Variants in EPHA6 observed in about 807,000 individuals in gnomAD.
The protein encoded by EPHA6 is ephrin type-A receptor 6.
EPHA6 carries 50 observed loss-of-function variants against 112.0 expected under a neutral mutation model. The ratio of observed to expected loss-of-function variants is 0.45; its 90% CI spans 0.36 to 0.56. The LOEUF (loss-of-function observed/expected upper bound fraction) is 0.56, where lower values mean the gene tolerates loss of function less well. EPHA6 is among the 20% of genes least tolerant of loss of function. EPHA6 has a pLI of 0.00. For synonymous variants in EPHA6, 529 were observed against 490.7 expected, an observed-to-expected ratio of 1.08 and a Z score of -1.03; for missense variants, 1,280 against 1,417.4, an observed-to-expected ratio of 0.90 and a Z score of 1.56.
At position 97,213,595 on chromosome 3, in the gene EPHA6, T is replaced by C. The variant is rs191383020; in HGVS notation, c.1115-12669T>C. ...GTCCACTTCCAAGTTTCCAGTTCATTCAGGGCAGGAGAGGGTTGAGTGGGA... is the reference window on the plus strand; with the variant it reads ...GTCCACTTCCAAGTTTCCAGTTCATCCAGGGCAGGAGAGGGTTGAGTGGGA... On this transcript the variant is annotated intron_variant, in intron 3 of 17. Transcript: ENST00000389672. 1.3e-3 allele frequency among the ~76,000 whole-genome samples: 195 copies of C among 152,262 alleles called. 1 individual carries two copies. The highest frequency in any genetic ancestry group is 4.5e-3 in the African/African-American group (187 of 41,552).
At chr3:97,297,482 A>G (rs2080914729) in intron 5 of EPHA6, among the ~76,000 whole-genome samples, 1 of 152,162 alleles carries the variant, frequency 6.6e-6, no homozygotes, top group African/African-American at 2.4e-5. Flanking sequence ...AAATTTAATT[A>G]AAGAAATATG....
intron 2 of EPHA6, among the ~76,000 whole-genome samples, chr3:96,879,619 T>A (rs1021666815): frequency 6.6e-6 from 1 of 152,148 alleles, no homozygotes; most frequent in Non-Finnish European, 1.5e-5. Flanking sequence ...ATTTTTATGA[T>A]ACTGGTTCTT....
At chr3:97,184,902 A>T (rs531667267) in intron 3 of EPHA6, among the ~76,000 whole-genome samples, 1 of 152,186 alleles carries the variant, frequency 6.6e-6, no homozygotes, top group Non-Finnish European at 1.5e-5. Context: ...ATCCTCAGAA[A>T]TAATGCCACA....
chr3:96,887,497 G>A (rs992356804), intron 2 of EPHA6, among the ~76,000 whole-genome samples: 4 of 152,184 alleles, frequency 2.6e-5, no homozygotes, highest in Admixed American at 1.3e-4. Context: ...TGGCCAGGGA[G>A]CAGGGGTGCA....
At chr3:97,490,373 T>C (rs960554827) in intron 10 of EPHA6, among the ~76,000 whole-genome samples, 4 of 152,242 alleles carry the variant, frequency 2.6e-5, no homozygotes, top group Admixed American at 2.0e-4. Flanking sequence ...TGCACTTATA[T>C]AGTAAAATAC....
rs1455906238 is a variant in EPHA6, at chr3:97,060,934, A to G, written c.1114+72941A>G. 2.7e-5 allele frequency among the ~76,000 whole-genome samples: 4 copies of G among 146,572 alleles called. No homozygotes were observed. In the South Asian group the frequency reaches 8.4e-4, roughly 31 times the overall value. On this transcript the variant is annotated intron_variant, in intron 3 of 17. Transcript: ENST00000389672. ...GCCAGACTCCGTCTCAAAAAAAAAA[A>G]AAAAAAAAAAAAAAAAGTCAGCTAA...
At chr3:96,947,196 T>A (rs2041310256) in intron 2 of EPHA6, among the ~76,000 whole-genome samples, 1 of 152,180 alleles carries the variant, frequency 6.6e-6, no homozygotes, top group Non-Finnish European at 1.5e-5. Context: ...TAGATCCCAT[T>A]TGTCAGTTTT....
chr3:97,728,767 G>T (rs566763716), intron 15 of EPHA6, among the ~76,000 whole-genome samples: 1 of 152,124 alleles, frequency 6.6e-6, no homozygotes, highest in Admixed American at 6.5e-5. Flanking sequence ...ACTTCAGTGC[G>T]GTTTCAGGCA....
chr3:97,282,213 T>C (rs1385357854), intron 5 of EPHA6, among the ~76,000 whole-genome samples: 1 of 152,188 alleles, frequency 6.6e-6, no homozygotes, highest in African/African-American at 2.4e-5. Context: ...ATGTTCAATA[T>C]GTACAGAGAA....
intron 14 of EPHA6, among the ~76,000 whole-genome samples, chr3:97,708,413 G>C (rs540593089): frequency 5.8e-4 from 88 of 152,294 alleles, no homozygotes; most frequent in African/African-American, 2.1e-3. Flanking sequence ...ATGTGACCTG[G>C]CTTTTTCTGA....
intron 3 of EPHA6, among the ~76,000 whole-genome samples, chr3:97,051,419 G>T (rs564362264): frequency 2.0e-4 from 30 of 152,236 alleles, no homozygotes; most frequent in African/African-American, 6.7e-4. Flanking sequence ...GTTTTGTAGA[G>T]AAGGTAAAAA....
At chr3:97,730,095 C>T (rs575884309) in intron 15 of EPHA6, among the ~76,000 whole-genome samples, 1 of 152,068 alleles carries the variant, frequency 6.6e-6, no homozygotes, top group African/African-American at 2.4e-5. Flanking sequence ...TGATACCCTG[C>T]ACAGTCTAAG....
chr3:97,303,575 C>T (rs561766145), intron 5 of EPHA6, among the ~76,000 whole-genome samples: 1 of 151,688 alleles, frequency 6.6e-6, no homozygotes, highest in African/African-American at 2.4e-5. Flanking sequence ...CTTTCTGGTA[C>T]CAAAATATGT....
chr3:97,412,453 C>CT (rs1159280909), intron 6 of EPHA6, among the ~76,000 whole-genome samples: 4 of 152,028 alleles, frequency 2.6e-5, no homozygotes, highest in African/African-American at 9.7e-5. Flanking sequence ...AATTCCATGT[C>CT]TTTATCTCTT....
intron 3 of EPHA6, among the ~76,000 whole-genome samples, chr3:97,106,247 A>G (rs571928873): frequency 2.0e-5 from 3 of 152,270 alleles, no homozygotes; most frequent in African/African-American, 4.8e-5. Flanking sequence ...GGTATACTAC[A>G]CTGTCTCAGT....
At chr3:97,138,549 G>A (rs1432439163) in intron 3 of EPHA6, among the ~76,000 whole-genome samples, 1 of 152,208 alleles carries the variant, frequency 6.6e-6, no homozygotes, top group African/African-American at 2.4e-5. Context: ...ATGTTTTAGT[G>A]GTGGCCTAGG....
chr3:97,617,497 AACTAAG>A (rs1376983085), intron 13 of EPHA6, among the ~76,000 whole-genome samples: 1 of 152,186 alleles, frequency 6.6e-6, no homozygotes, highest in Non-Finnish European at 1.5e-5. Context: ...CTGGATAAAG[AACTAAG>A]ACCTATCAAT....
chr3:96,864,163 G>A (rs1393276007), intron 1 of EPHA6, among the ~76,000 whole-genome samples: 1 of 151,916 alleles, frequency 6.6e-6, no homozygotes, highest in African/African-American at 2.4e-5. Flanking sequence ...GAATCCAGAT[G>A]GATAGTTTAT....
At chr3:97,737,909 T>A (rs1010926726) in intron 16 of EPHA6, among the ~76,000 whole-genome samples, 2 of 151,668 alleles carry the variant, frequency 1.3e-5, no homozygotes, top group East Asian at 1.9e-4. Flanking sequence ...AGACAAGTAA[T>A]CAGGAAAAGA....
Sources: allele counts gnomAD v4.1 joint callset (sites outside exome capture counted in the v4.1 genomes callset), GRCh38; gene constraint gnomAD v4.1.1; transcripts MANE v1.5; gene names NCBI Gene and HGNC (gene_info 2026-07-23, HGNC 2026-07-21).